COPG2: variants seen among roughly 807,000 people sequenced by gnomAD.
The protein encoded by COPG2 is coatomer subunit gamma-2.
Under a neutral mutation model 46.3 loss-of-function variants are expected in COPG2, and 37 were observed. The ratio of observed to expected loss-of-function variants is 0.80; its 90% CI spans 0.61 to 1.05. The LOEUF (loss-of-function observed/expected upper bound fraction) is 1.05, where lower values mean the gene tolerates loss of function less well. COPG2 is among the 50% of genes least tolerant of loss of function. The pLI is 0.00. For synonymous variants in COPG2, 159 were observed against 129.7 expected, an observed-to-expected ratio of 1.23 and a Z score of -1.53; for missense variants, 427 against 387.8, an observed-to-expected ratio of 1.10 and a Z score of -0.85.
At chr7:130,627,294 G>A (rs1416150642) in intron 5 of COPG2, among the ~76,000 whole-genome samples, 4 of 152,114 alleles carry the variant, frequency 2.6e-5, no homozygotes, top group Admixed American at 6.5e-5. Context: ...GCTGTAAGTC[G>A]GCCTTTCTTC....
At chr7:130,558,555 G>A (rs1793667382) in intron 12 of COPG2, among the ~76,000 whole-genome samples, 1 of 152,160 alleles carries the variant, frequency 6.6e-6, no homozygotes, top group Non-Finnish European at 1.5e-5. Flanking sequence ...AGAAGATCTT[G>A]CTCTGTTGCC....
chr7:130,547,953 C>G (rs1793472318), intron 19 of COPG2, 108 bp from the exon 20 acceptor site: 3 of 397,524 alleles, frequency 7.5e-6, no homozygotes, highest in African/African-American at 2.1e-5. Flanking sequence ...CTCTACAGAG[C>G]AGGGTAGGTC....
At chr7:130,588,186 A>G (rs1236880448) in intron 9 of COPG2, among the ~76,000 whole-genome samples, 1 of 151,832 alleles carries the variant, frequency 6.6e-6, no homozygotes, top group Non-Finnish European at 1.5e-5. Context: ...GAACACTTTT[A>G]CACTGTTGGT....
At chr7:130,519,363 CGA>C (rs1799706824) in intron 20 of COPG2, among the ~76,000 whole-genome samples, 1 of 152,078 alleles carries the variant, frequency 6.6e-6, no homozygotes, top group Admixed American at 6.6e-5. Flanking sequence ...AAGATTAATG[CGA>C]CGGACTTAAA....
chr7:130,529,688 G>C (rs1455914637), intron 20 of COPG2, among the ~76,000 whole-genome samples: 1 of 152,144 alleles, frequency 6.6e-6, no homozygotes, highest in Non-Finnish European at 1.5e-5. Flanking sequence ...AAGGAAGCTG[G>C]TCAGCACTGC....
At chr7:130,522,171 G>A (rs1799729279) in intron 20 of COPG2, among the ~76,000 whole-genome samples, 1 of 152,124 alleles carries the variant, frequency 6.6e-6, no homozygotes, top group South Asian at 2.1e-4. Flanking sequence ...AGAAAAAGAG[G>A]TGCAGAATGG....
chr7:130,550,642 C>T lies in COPG2; in HGVS notation c.1656G>A (p.Thr552=), dbSNP rs1037353875. The change falls in exon 17 of 24, where the codon ACG becomes ACA. Residue 552 remains threonine (T), a synonymous_variant. Coordinates refer to ENST00000425248, the MANE Select transcript of COPG2 (RefSeq NM_012133.6). ...CTTTTTCCATCCCTGGTACAGAGAC[C>T]GTCAAACCTGTGAAACATAGAGAAA... ...LNATYIFNGL[T]VSVPGMEKAL... is the part of the protein sequence containing the mutation. 0.2 allele frequency: 77,922 copies of T among 396,984 alleles called. 8,432 individuals carry two copies. The highest frequency in any genetic ancestry group is 0.3 in the African/African-American group (14,536 of 48,500). The allele number at this position is 396,984 out of a possible 1,614,324, so 24.6% of individuals were successfully genotyped here. A position where few individuals can be genotyped will look rare whatever the true frequency, so the allele number is the denominator to read the frequency against.
In COPG2 at chr7:130,577,618, G is replaced by A. The variant is rs1221724500; in HGVS notation, c.738-13225C>T. ...CTACTAAAAATACAAAAAATTAGCC[G>A]GGCGCGGTGGCGGGCGCCTGTAGTC... On this transcript the variant is annotated intron_variant, in intron 9 of 23. Coordinates refer to ENST00000425248, the MANE Select transcript of COPG2 (RefSeq NM_012133.6). 1.9e-4 allele frequency among the ~76,000 whole-genome samples: 29 copies of A among 151,154 alleles called. No homozygotes were observed. In the South Asian group the frequency reaches 4.8e-3, roughly 25 times the overall value.
intron 5 of COPG2, among the ~76,000 whole-genome samples, chr7:130,644,555 G>A (rs1408500136): frequency 3.9e-5 from 6 of 152,176 alleles, no homozygotes; most frequent in Admixed American, 2.6e-4. Context: ...AGATGTAAAA[G>A]TTCACTTTCA....
chr7:130,507,868 T>G (rs180932340), intron 21 of COPG2, 45 bp from the exon 22 acceptor site: 1 of 772,666 alleles, frequency 1.3e-6, no homozygotes, highest in South Asian at 1.4e-5. Flanking sequence ...CTTTCTGTTA[T>G]AGGGCAAAGA....
intron 9 of COPG2, chr7:130,610,700 A>C (rs1794828986): frequency 6.5e-6 from 4 of 615,342 alleles, no homozygotes; most frequent in Non-Finnish European, 1.2e-5. Flanking sequence ...ATATCTTATG[A>C]TCAATGCATA....
chr7:130,530,827 G>GGGCAGGACAGCCACA (rs1799817604), intron 20 of COPG2, among the ~76,000 whole-genome samples: 1 of 151,790 alleles, frequency 6.6e-6, no homozygotes, highest in East Asian at 2.0e-4. Context: ...GAAGGGAGCT[G>GGGCAGGACAGCCACA]GGCAGGACAG....
At chr7:130,549,006 CAAGT>C (rs1156999316) in intron 18 of COPG2, among the ~76,000 whole-genome samples, 1 of 133,798 alleles carries the variant, frequency 7.5e-6, no homozygotes, top group Non-Finnish European at 1.6e-5. Context: ...AGTCATCTTT[CAAGT>C]AAGTAAGCTT....
chr7:130,620,870 G>A (rs1450512863), intron 5 of COPG2, among the ~76,000 whole-genome samples: 1 of 152,168 alleles, frequency 6.6e-6, no homozygotes, highest in Non-Finnish European at 1.5e-5. Context: ...TTAGGGACCA[G>A]ACAGAAGCCT....
At chr7:130,555,183 C>T in intron 12 of COPG2, 51 bp from the exon 13 acceptor site, 1 of 396,694 alleles carries the variant, frequency 2.5e-6, no homozygotes, top group Non-Finnish European at 4.4e-6. Context: ...CAACTACCAC[C>T]TATAAAAAGC....
At chr7:130,643,942 C>A (rs1554457693) in intron 5 of COPG2, among the ~76,000 whole-genome samples, 1 of 152,152 alleles carries the variant, frequency 6.6e-6, no homozygotes, top group South Asian at 2.1e-4. Context: ...GCACTCCAGC[C>A]TGGGTGACAG....
chr7:130,659,354 C>CAAAAAAAAAAACAA (rs71178601), intron 4 of COPG2, among the ~76,000 whole-genome samples: 5 of 65,466 alleles, frequency 7.6e-5, no homozygotes. Flanking sequence ...GACTCCGTCT[C>CAAAAAAAAAAACAA]AAAAAAAAAA....
chr7:130,563,755 C>CAAAAAAAAAAAAAAAAA (rs1239944614), intron 10 of COPG2, among the ~76,000 whole-genome samples: 3 of 89,000 alleles, frequency 3.4e-5, no homozygotes, highest in African/African-American at 6.6e-5. Context: ...GACTCCGTCT[C>CAAAAAAAAAAAAAAAAA]AAAAAAAAAA....
rs141095684 is a variant in COPG2, at chr7:130,584,445, T to C, written c.738-20052A>G. On this transcript the variant is annotated intron_variant, in intron 9 of 23. Transcript: ENST00000425248. Reference sequence around the variant, plus strand: ...TCACCACGCCTCTTCAACATAGAAGTTGTAGCCAGAGCAATCAGACAAGGA... The same window carrying C: ...TCACCACGCCTCTTCAACATAGAAGCTGTAGCCAGAGCAATCAGACAAGGA... Among the ~76,000 whole-genome samples, 6 of 151,918 alleles carry C rather than the reference T, an allele frequency of 3.9e-5. 1 individual carries two copies. Among genetic ancestry groups the C allele is most frequent in the Non-Finnish European group, 8.8e-5 (6 of 67,964 alleles).
Sources: allele counts gnomAD v4.1 joint callset (sites outside exome capture counted in the v4.1 genomes callset), GRCh38; gene constraint gnomAD v4.1.1; transcripts MANE v1.5; gene names NCBI Gene and HGNC (gene_info 2026-07-23, HGNC 2026-07-21).